RABGAP1L: variants seen among roughly 807,000 people sequenced by gnomAD.
RABGAP1L encodes the protein RAB GTPase activating protein 1 like.
A neutral mutation model predicts 137.7 loss-of-function variants in RABGAP1L; 63 were observed. The ratio of observed to expected loss-of-function variants is 0.46; its 90% CI spans 0.37 to 0.56. RABGAP1L has a LOEUF of 0.56. Ranked by LOEUF, RABGAP1L falls within the 20% of genes least tolerant of loss-of-function variation. RABGAP1L has a pLI of 0.00. For missense variants in RABGAP1L, 1,095 were observed against 1,244.0 expected, an observed-to-expected ratio of 0.88 and a Z score of 1.80; for synonymous variants, 431 against 433.7, an observed-to-expected ratio of 0.99 and a Z score of 0.08.
At chr1:174,165,244 G>A (rs899594452) in intron 1 of RABGAP1L, among the ~76,000 whole-genome samples, 11 of 152,128 alleles carry the variant, frequency 7.2e-5, no homozygotes, top group African/African-American at 2.7e-4. Flanking sequence ...TGCCTCCCAG[G>A]TTCAAGTGAT....
rs142573815 is a variant in RABGAP1L at position 174,408,836 on chromosome 1, T to C, written c.1710+14691T>C. ...ATTAGTGATGTTGAGCATTTTTTCATGTTTGTTGGCTGCTTGTTTGTCTTC... is the reference window on the plus strand; with the variant it reads ...ATTAGTGATGTTGAGCATTTTTTCACGTTTGTTGGCTGCTTGTTTGTCTTC... On this transcript the variant is annotated intron_variant, in intron 13 of 25. Coordinates refer to ENST00000681986, the MANE Select transcript of RABGAP1L (RefSeq NM_001366446.1). Among the ~76,000 whole-genome samples, 221 of 152,326 alleles carry C rather than the reference T, an allele frequency of 1.5e-3. 1 individual carries two copies. Among genetic ancestry groups the C allele is most frequent in the South Asian group, 4.3e-3 (21 of 4,828 alleles).
intron 13 of RABGAP1L, among the ~76,000 whole-genome samples, chr1:174,446,066 A>G (rs1654727537): frequency 6.6e-6 from 1 of 152,096 alleles, no homozygotes; most frequent in Admixed American, 6.5e-5. Flanking sequence ...TCTGATGGTG[A>G]GTTTTTCTGC....
chr1:174,535,765 T>G (rs1447613399), intron 13 of RABGAP1L, among the ~76,000 whole-genome samples: 1 of 152,210 alleles, frequency 6.6e-6, no homozygotes, highest in African/African-American at 2.4e-5. Context: ...AAAAATGCAC[T>G]GACAACAGGC....
intron 18 of RABGAP1L, among the ~76,000 whole-genome samples, chr1:174,810,498 C>G (rs969692898): frequency 2.6e-5 from 4 of 152,210 alleles, no homozygotes; most frequent in Admixed American, 2.6e-4. Flanking sequence ...AGGAATTTCT[C>G]TGGCTTCCTG....
Position 174,394,127 on chromosome 1 carries a change from C to A in RABGAP1L, c.1692C>A (p.Tyr564Ter), listed in dbSNP as rs201455300. The change falls in exon 13 of 26, where the codon TAC becomes TAA. Residue 564 changes from tyrosine to a stop codon, truncating the protein, a stop_gained. Transcript: ENST00000681986. LOFTEE classifies it high-confidence loss of function. ...ACAACCAGGCAATGCTGGATAGATA[C>A]CGAATTCTTATCACAAAGGTAGGAA... ...CHDNQAMLDR[Y>*]RILITKDSAQ... is the part of the protein sequence containing the mutation. 3.0e-5 allele frequency: 48 copies of A among 1,612,942 alleles called. No homozygotes were observed. Among genetic ancestry groups the A allele is most frequent in the Non-Finnish European group, 4.0e-5 (47 of 1,179,560 alleles).
intron 11 of RABGAP1L, among the ~76,000 whole-genome samples, chr1:174,322,145 T>C (rs1198002303): frequency 1.3e-5 from 2 of 152,190 alleles, no homozygotes; most frequent in African/African-American, 4.8e-5. Flanking sequence ...TCGTAATAAA[T>C]CCTTGCCTAA....
intron 12 of RABGAP1L, among the ~76,000 whole-genome samples, chr1:174,383,638 C>A (rs546447298): frequency 2.0e-5 from 3 of 152,208 alleles, no homozygotes; most frequent in South Asian, 4.1e-4. Context: ...ATGCCTCGCC[C>A]TGCTTCGGCT....
intron 19 of RABGAP1L, among the ~76,000 whole-genome samples, chr1:174,865,327 C>T (rs1216517240): frequency 2.0e-5 from 3 of 152,248 alleles, no homozygotes; most frequent in African/African-American, 7.2e-5. Context: ...GGTGACAGAA[C>T]AAGACTCCCT....
At chr1:174,550,945 CACACATATATAT>C (rs1666433434) in intron 13 of RABGAP1L, among the ~76,000 whole-genome samples, 5 of 70,512 alleles carry the variant, frequency 7.1e-5, no homozygotes, top group Admixed American at 4.2e-4. Context: ...CATATATATA[CACACATATATAT>C]ACACATATAT....
intron 1 of RABGAP1L, among the ~76,000 whole-genome samples, chr1:174,179,173 A>G (rs1042076045): frequency 6.8e-6 from 1 of 147,410 alleles, no homozygotes; most frequent in Non-Finnish European, 1.5e-5. Context: ...GCCTAAGCTG[A>G]TTTTTTTTTT....
chr1:174,283,836 T>C (rs1034901843), intron 10 of RABGAP1L, among the ~76,000 whole-genome samples: 1 of 152,190 alleles, frequency 6.6e-6, no homozygotes, highest in Admixed American at 6.5e-5. Flanking sequence ...AGAGTGAGTC[T>C]TCAATAAACA....
At chr1:174,213,439 T>C (rs1353030201) in intron 1 of RABGAP1L, among the ~76,000 whole-genome samples, 6 of 151,932 alleles carry the variant, frequency 3.9e-5, no homozygotes, top group East Asian at 1.9e-4. Context: ...TTCCAAAAAA[T>C]AGAGGAGAAG....
intron 12 of RABGAP1L, among the ~76,000 whole-genome samples, chr1:174,377,650 T>C (rs1374848462): frequency 6.6e-6 from 1 of 151,856 alleles, no homozygotes; most frequent in Non-Finnish European, 1.5e-5. Context: ...AAAGCTACAG[T>C]GAGATACCAC....
intron 19 of RABGAP1L, among the ~76,000 whole-genome samples, chr1:174,870,480 A>G (rs751637299): frequency 3.3e-5 from 5 of 152,188 alleles, no homozygotes; most frequent in Non-Finnish European, 5.9e-5. Flanking sequence ...GCACATGGCT[A>G]ATTCTGGTAT....
At chr1:174,571,313 G>A (rs867468179) in intron 13 of RABGAP1L, among the ~76,000 whole-genome samples, 1 of 151,502 alleles carries the variant, frequency 6.6e-6, no homozygotes, top group Non-Finnish European at 1.5e-5. Context: ...AGGAGGGATG[G>A]GCAAAAAAAA....
chr1:174,412,999 T>C (rs1650123293), intron 13 of RABGAP1L, among the ~76,000 whole-genome samples: 1 of 152,174 alleles, frequency 6.6e-6, no homozygotes, highest in Non-Finnish European at 1.5e-5. Context: ...TATCTGGATG[T>C]CTACCTCTCT....
chr1:174,478,651 A>T (rs1277239840), intron 13 of RABGAP1L, among the ~76,000 whole-genome samples: 1 of 152,178 alleles, frequency 6.6e-6, no homozygotes, highest in Non-Finnish European at 1.5e-5. Flanking sequence ...ATGCATTCAT[A>T]CATGGGGAAA....
chr1:174,602,147 C>G (rs1417530056), intron 13 of RABGAP1L, among the ~76,000 whole-genome samples: 1 of 152,116 alleles, frequency 6.6e-6, no homozygotes, highest in African/African-American at 2.4e-5. Context: ...CGTCAACGCC[C>G]CACTCTATGG....
chr1:174,542,871 A>C (rs952261941), intron 13 of RABGAP1L, among the ~76,000 whole-genome samples: 2 of 152,156 alleles, frequency 1.3e-5, no homozygotes, highest in Non-Finnish European at 2.9e-5. Context: ...CATTCAGGAC[A>C]AGGTTGTTCA....
Sources: gnomAD v4.1 joint callset for allele counts (sites outside exome capture counted in the v4.1 genomes callset) on GRCh38, gnomAD v4.1.1 for gene constraint, MANE v1.5 for transcripts, NCBI Gene and HGNC (gene_info 2026-07-23, HGNC 2026-07-21) for gene names.